KCTD1: variants seen among roughly 807,000 people sequenced by gnomAD.
KCTD1 encodes the protein potassium channel tetramerization domain containing 1.
In KCTD1, 24 loss-of-function variants were observed where a neutral mutation model predicts 66.0. The observed-to-expected ratio is 0.36, with a 90% CI of 0.26 to 0.51. The LOEUF (loss-of-function observed/expected upper bound fraction) is 0.51. KCTD1 is among the 20% of genes least tolerant of loss of function. KCTD1 has a pLI of 0.95. For synonymous variants in KCTD1, 511 were observed against 517.2 expected (o/e 0.99, Z 0.16); for missense variants, 943 against 1,205.2 (o/e 0.78, Z 3.22).
chr18:26,613,305 G>A (rs979933617), intron 1 of KCTD1, among the ~76,000 whole-genome samples: 5 of 152,084 alleles, frequency 3.3e-5, no homozygotes, highest in Non-Finnish European at 5.9e-5. Context: ...ACACTCTGAC[G>A]ATTTCCTTTT....
At chr18:26,572,544 A>G (rs1458723979) in intron 1 of KCTD1, among the ~76,000 whole-genome samples, 1 of 152,230 alleles carries the variant, frequency 6.6e-6, no homozygotes, top group African/African-American at 2.4e-5. Flanking sequence ...AAGGGATGTG[A>G]ACATCAGAAT....
chr18:26,577,653 C>T (rs943124720), intron 1 of KCTD1, among the ~76,000 whole-genome samples: 25 of 152,050 alleles, frequency 1.6e-4, no homozygotes, highest in Admixed American at 5.9e-4. Flanking sequence ...TTCAAGGATC[C>T]TCCCTCCTCA....
chr18:26,580,235 G>A (rs548542422), intron 1 of KCTD1, among the ~76,000 whole-genome samples: 40 of 152,198 alleles, frequency 2.6e-4, no homozygotes, highest in African/African-American at 4.6e-4. Context: ...AGAATCACGC[G>A]AATGCATAAT....
chr18:26,481,330 T>C (rs556368429), intron 2 of KCTD1, among the ~76,000 whole-genome samples: 26 of 152,196 alleles, frequency 1.7e-4, no homozygotes, highest in African/African-American at 5.3e-4. Flanking sequence ...AGAAAGCTCA[T>C]TGGAGACCTG....
intron 2 of KCTD1, 89 bp downstream of exon 2, chr18:26,500,983 A>C: frequency 1.4e-6 from 2 of 1,423,644 alleles, no homozygotes; most frequent in Admixed American, 3.9e-5. Flanking sequence ...CCCTGCCTCC[A>C]CGAGGCTACA....
At chr18:26,488,203 G>A (rs905231922) in intron 2 of KCTD1, among the ~76,000 whole-genome samples, 24 of 151,626 alleles carry the variant, frequency 1.6e-4, no homozygotes, top group Admixed American at 5.9e-4. Context: ...TTTTTAACGT[G>A]GTTCCCTAGG....
intron 1 of KCTD1, among the ~76,000 whole-genome samples, chr18:26,615,465 T>C (rs895940799): frequency 1.3e-5 from 2 of 152,288 alleles, no homozygotes; most frequent in Non-Finnish European, 2.9e-5. Flanking sequence ...AAGAAACAAG[T>C]AGTACTGAGC....
At chr18:26,643,929 T>C (rs1467176495), upstream of KCTD1, among the ~76,000 whole-genome samples, 1 of 151,732 alleles carries the variant, frequency 6.6e-6, no homozygotes, top group Non-Finnish European at 1.5e-5. Flanking sequence ...ACCACTGCAC[T>C]CCAGCCTGGG....
chr18:26,564,630 C>T (rs1442693241), intron 1 of KCTD1, among the ~76,000 whole-genome samples: 3 of 152,136 alleles, frequency 2.0e-5, no homozygotes, highest in Non-Finnish European at 4.4e-5. Context: ...TGACTCATGC[C>T]TGTAATCCCA....
At chr18:26,639,333 A>G (rs916943620) in intron 1 of KCTD1, among the ~76,000 whole-genome samples, 1 of 152,162 alleles carries the variant, frequency 6.6e-6, no homozygotes, top group African/African-American at 2.4e-5. Context: ...TCGCCAGTCT[A>G]TCTGGCTGAG....
intron 1 of KCTD1, among the ~76,000 whole-genome samples, chr18:26,564,904 A>AG (rs1985947152): frequency 6.6e-6 from 1 of 152,260 alleles, no homozygotes; most frequent in South Asian, 2.1e-4. Flanking sequence ...AAAAAAAAAA[A>AG]AAATCAAAGG....
intron 1 of KCTD1, among the ~76,000 whole-genome samples, chr18:26,535,386 C>T (rs988308729): frequency 1.3e-5 from 2 of 152,124 alleles, no homozygotes; most frequent in African/African-American, 2.4e-5. Context: ...GGACTGGTCC[C>T]AGCGAGCGTC....
At chr18:26,630,619 G>A (rs938647928), upstream of KCTD1, among the ~76,000 whole-genome samples, 8 of 152,202 alleles carry the variant, frequency 5.3e-5, no homozygotes, top group Non-Finnish European at 1.2e-4. Flanking sequence ...ATAGGCATGA[G>A]CCACTGTGCC....
intron 1 of KCTD1, among the ~76,000 whole-genome samples, chr18:26,516,240 T>G (rs896675497): frequency 6.6e-6 from 1 of 152,070 alleles, no homozygotes; most frequent in Admixed American, 6.5e-5. Flanking sequence ...TCAGACTAGT[T>G]TTACCTCCTC....
chr18:26,459,371 G>A (rs1980279070), intron 4 of KCTD1: 1 of 444,560 alleles, frequency 2.2e-6, no homozygotes, highest in Non-Finnish European at 4.0e-6. Context: ...CTATAGGCGT[G>A]TGCCACCGTG....
At chr18:26,582,271 T>TAAAAAAAA (rs34642580) in intron 1 of KCTD1, among the ~76,000 whole-genome samples, 1 of 143,940 alleles carries the variant, frequency 6.9e-6, no homozygotes, top group Non-Finnish European at 1.5e-5. Flanking sequence ...ACACCCCGTC[T>TAAAAAAAA]AAAAAAAAAA....
chr18:26,630,284 T>A (rs1171687453), upstream of KCTD1, among the ~76,000 whole-genome samples: 2 of 152,306 alleles, frequency 1.3e-5, no homozygotes, highest in East Asian at 3.9e-4. Context: ...GTAAAAATTG[T>A]TAATTTTATT....
chr18:26,541,337 G>A (rs1984963606), intron 1 of KCTD1, among the ~76,000 whole-genome samples: 1 of 152,178 alleles, frequency 6.6e-6, no homozygotes, highest in Admixed American at 6.5e-5. Context: ...TGCAGGAGTT[G>A]CCTAAAAGCA....
intron 1 of KCTD1, among the ~76,000 whole-genome samples, chr18:26,521,623 C>T (rs1261454353): frequency 6.6e-6 from 1 of 152,152 alleles, no homozygotes; most frequent in African/African-American, 2.4e-5. Context: ...ATTCTAAAGG[C>T]TGGATTTATA....
Sources: gnomAD v4.1 joint callset for allele counts (sites outside exome capture counted in the v4.1 genomes callset) on GRCh38, gnomAD v4.1.1 for gene constraint, MANE v1.5 for transcripts, NCBI Gene and HGNC (gene_info 2026-07-23, HGNC 2026-07-21) for gene names.